The following CYFIP2 variants were observed in gnomAD, a reference collection of about 807,000 sequenced individuals.
CYFIP2 encodes cytoplasmic FMR1 interacting protein 2, also known as cytoplasmic FMR1-interacting protein 2.
CYFIP2 carries 29 observed loss-of-function variants against 158.7 expected under a neutral mutation model. The observed-to-expected ratio is 0.18, with a 90% CI of 0.14 to 0.25. The LOEUF is 0.25. Ranked by LOEUF, CYFIP2 falls within the 10% of genes least tolerant of loss-of-function variation. The pLI, the probability that CYFIP2 is intolerant of heterozygous loss-of-function variation, is 1.00. For synonymous variants in CYFIP2, 585 were observed against 617.6 expected (o/e 0.95, Z 0.78); for missense variants, 852 against 1,639.5 (o/e 0.52, Z 8.29).
chr5:157,359,199 TAAAC>T (rs748752133), intron 24 of CYFIP2, 51 bp downstream of exon 24: 22 of 1,601,222 alleles, frequency 1.4e-5, no homozygotes, highest in East Asian at 2.2e-5. Context: ...GGGTTTGACA[TAAAC>T]AAAGTTTGCT....
chr5:157,392,313 A>G (rs1372863339), intron 30 of CYFIP2, among the ~76,000 whole-genome samples: 1 of 152,208 alleles, frequency 6.6e-6, no homozygotes, highest in Non-Finnish European at 1.5e-5. Context: ...ATCCAACATC[A>G]TGAAAATTTT....
chr5:157,360,726 G>A lies in CYFIP2; in HGVS notation c.2908+354G>A, dbSNP rs115268941. Among the ~76,000 whole-genome samples, 314 of 152,328 alleles carry A rather than the reference G, an allele frequency of 2.1e-3. 1 individual carries two copies. The highest frequency in any genetic ancestry group is 6.9e-3 in the African/African-American group (288 of 41,562). ...CCATCTGCATATTTGGGGAGACTGA[G>A]GCTCCAGGCAGTGGTGCCAAGTTGA... On this transcript the variant is annotated intron_variant, in intron 25 of 30. Transcript: ENST00000620254.
intron 26 of CYFIP2, among the ~76,000 whole-genome samples, chr5:157,380,980 C>A (rs1298250400): frequency 6.6e-6 from 1 of 152,146 alleles, no homozygotes; most frequent in Non-Finnish European, 1.5e-5. Flanking sequence ...TTGGGTAGGC[C>A]AAGGCAGGCA....
At chr5:157,359,630 T>C (rs1204834247) in intron 24 of CYFIP2, among the ~76,000 whole-genome samples, 4 of 152,236 alleles carry the variant, frequency 2.6e-5, no homozygotes, top group African/African-American at 9.6e-5. Flanking sequence ...TCAAGAGAGT[T>C]CTGTATCCCT....
chr5:157,283,278 C>T lies in CYFIP2; in HGVS notation c.-23-2061C>T, dbSNP rs116754618. On this transcript the variant is annotated intron_variant, in intron 1 of 30. Coordinates refer to ENST00000620254, the MANE Select transcript of CYFIP2 (RefSeq NM_001037333.3). ...GTCAAGTACTTCGCATAGTGTCTGACACAGAGTAAGGGCTAAAGAAATGTT... is the reference window on the plus strand; with the variant it reads ...GTCAAGTACTTCGCATAGTGTCTGATACAGAGTAAGGGCTAAAGAAATGTT... Among the ~76,000 whole-genome samples the T allele has an allele frequency of 7.4e-3, 1,132 of 152,242 alleles. 22 individuals carry two copies. The highest frequency in any genetic ancestry group is 0.026 in the African/African-American group (1,080 of 41,518).
At chr5:157,387,240 C>A (rs778988788) in intron 28 of CYFIP2, among the ~76,000 whole-genome samples, 4 of 151,670 alleles carry the variant, frequency 2.6e-5, no homozygotes, top group Non-Finnish European at 4.4e-5. Context: ...TTTCTTAGAA[C>A]TTTTTTTTTC....
chr5:157,365,650 C>CCT, intron 26 of CYFIP2: 1 of 151,954 alleles, frequency 6.6e-6, no homozygotes, highest in East Asian at 1.9e-4. Context: ...ATTTATAGTA[C>CCT]CATAGATGGT....
chr5:157,300,515 C>T (rs1454147089), intron 5 of CYFIP2, among the ~76,000 whole-genome samples, 200 bp from the exon 6 acceptor site: 11 of 138,776 alleles, frequency 7.9e-5, no homozygotes, highest in Non-Finnish European at 1.4e-4. Context: ...AGCCTGGTGA[C>T]GAAGCAAGAC....
intron 23 of CYFIP2, among the ~76,000 whole-genome samples, chr5:157,356,290 C>A (rs1763404034): frequency 6.6e-6 from 1 of 152,142 alleles, no homozygotes; most frequent in African/African-American, 2.4e-5. Flanking sequence ...CTTGTCTTTT[C>A]TGATGAGGGC....
rs539559548 is a variant in CYFIP2 at position 157,298,649 on chromosome 5, A to G, written c.387+1875A>G. Among the ~76,000 whole-genome samples, 3 of 151,972 alleles carry G rather than the reference A, an allele frequency of 2.0e-5. No individual in the cohort carries two copies. In the East Asian group the frequency reaches 5.8e-4, roughly 29 times the overall value. On this transcript the variant is annotated intron_variant, in intron 5 of 30. Coordinates refer to ENST00000620254, the MANE Select transcript of CYFIP2 (RefSeq NM_001037333.3). Reference sequence around the variant, plus strand: ...ACATGAGCCACCACACCCGGCCCACAATCAATTTTAGAACATCTTCATTAC... The same window carrying G: ...ACATGAGCCACCACACCCGGCCCACGATCAATTTTAGAACATCTTCATTAC...
At position 157,319,833 on chromosome 5, in the gene CYFIP2, G is replaced by A. The variant is rs1322132941; in HGVS notation, c.1428G>A (p.Arg476=). Residue 476 remains arginine (R), a synonymous_variant, in exon 14 of 31, where the codon AGG becomes AGA. Transcript: ENST00000620254. ...RMESVFNQAI[R]NTIYAALQDF... is the part of the protein sequence containing the mutation. The stretch of plus-strand genomic sequence containing the variant: ...AGAGCGTCTTCAACCAGGCCATCAG[G>A]AACACCATCTACGCGGCATTGCAGG... 1 of 1,614,102 alleles carries A rather than the reference G, an allele frequency of 6.2e-7. No individual in the cohort carries two copies. The highest frequency in any genetic ancestry group is 8.5e-7 in the Non-Finnish European group (1 of 1,179,946).
chr5:157,292,617 AT>A (rs1371333149), intron 3 of CYFIP2, among the ~76,000 whole-genome samples: 2 of 152,216 alleles, frequency 1.3e-5, no homozygotes, highest in African/African-American at 4.8e-5. Flanking sequence ...GCCACATATT[AT>A]TTATCCATCC....
intron 23 of CYFIP2, among the ~76,000 whole-genome samples, chr5:157,357,293 C>T (rs941022933): frequency 9.8e-5 from 15 of 152,288 alleles, no homozygotes; most frequent in Non-Finnish European, 1.6e-4. Flanking sequence ...TTCATACATA[C>T]GTACCTAATT....
At position 157,296,350 on chromosome 5, in the gene CYFIP2, T is replaced by G. The variant is rs944524682; in HGVS notation, c.286-323T>G. ...GGCTCATGCCTGTAATCCCAGCAAT[T>G]TGGGAGGCTGAGGTGGGAGGATTGC... On this transcript the variant is annotated intron_variant, in intron 4 of 30. Transcript: ENST00000620254. 8.2e-6 allele frequency: 3 copies of G among 365,434 alleles called. No homozygotes were observed. The Middle Eastern group carries it at 1.6e-3, about 200-fold the overall frequency. 22.6% of individuals were successfully genotyped at this position (365,434 alleles called of 1,614,324 possible).
intron 26 of CYFIP2, chr5:157,375,974 C>T (rs1765435664): frequency 6.6e-6 from 1 of 152,326 alleles, no homozygotes; most frequent in Non-Finnish European, 1.5e-5. Flanking sequence ...CCTGACTGCC[C>T]ATAGCACTGT....
chr5:157,351,333 T>C (rs999300774), intron 23 of CYFIP2, among the ~76,000 whole-genome samples: 1 of 152,260 alleles, frequency 6.6e-6, no homozygotes, highest in African/African-American at 2.4e-5. Context: ...GAGCAAAGTT[T>C]ACACCCTGAA....
At chr5:157,329,672 C>T (rs1239404538) in intron 19 of CYFIP2, among the ~76,000 whole-genome samples, 1 of 152,220 alleles carries the variant, frequency 6.6e-6, no homozygotes, top group African/African-American at 2.4e-5. Context: ...ATAATTTTGA[C>T]ATACACTCAA....
At position 157,319,946 on chromosome 5, in the gene CYFIP2, T is replaced by C. The variant is rs1760454801; in HGVS notation, c.1523+18T>C. The stretch of plus-strand genomic sequence containing the variant: ...CTCATCAGGTGGGTTTTCAGATGCC[T>C]TCAGGAGCATATCAGACATAAGCAT... On this transcript the variant is annotated intron_variant, in intron 14 of 30. Transcript: ENST00000620254. 1 of 1,612,506 alleles carries C rather than the reference T, an allele frequency of 6.2e-7. No individual in the cohort carries two copies. The highest frequency in any genetic ancestry group is 1.3e-5 in the African/African-American group (1 of 74,924).
At chr5:157,348,949 C>CA (rs34773095) in intron 23 of CYFIP2, among the ~76,000 whole-genome samples, 30,351 of 127,022 alleles carry the variant, frequency 0.24, 3,562 homozygotes, top group Middle Eastern at 0.3. Flanking sequence ...GACTTCATCT[C>CA]AAAAAAAAAA....
Sources: gnomAD v4.1 joint callset for allele counts (sites outside exome capture counted in the v4.1 genomes callset) on GRCh38, gnomAD v4.1.1 for gene constraint, MANE v1.5 for transcripts, NCBI Gene and HGNC (gene_info 2026-07-23, HGNC 2026-07-21) for gene names.